Variants in GJB4 observed in about 807,000 individuals in gnomAD.
The protein encoded by GJB4 is gap junction protein beta 4, also known as gap junction beta-4 protein.
For missense variants in GJB4, 371 were observed against 363.8 expected (o/e 1.02, Z -0.16); for synonymous variants, 162 against 158.1 (o/e 1.02, Z -0.18).
In GJB4 at chr1:34,761,432, T is replaced by G. The variant is rs201860175; in HGVS notation, c.178T>G (p.Cys60Gly). 147 of 1,614,184 alleles carry G rather than the reference T, an allele frequency of 9.1e-5. No individual in the cohort carries two copies. The highest frequency in any genetic ancestry group is 6.9e-4 in the East Asian group (31 of 44,876). Residue 60 changes from cysteine to glycine, a missense_variant, in exon 2 of 2, where the codon TGC becomes GGC. Transcript: ENST00000339480. This position sits in a 1 kb window ranked among gnomAD's most constrained non-coding sequence, Gnocchi z 4.4. ...DFVCNTKQPG[C>G]PNVCYDEFFP... ...TGTCTGCAACACCAAGCAGCCCGGC[T>G]GCCCCAACGTCTGCTATGACGAGTT...
intron 1 of GJB4, among the ~76,000 whole-genome samples, 196 bp downstream of exon 1, chr1:34,759,984 G>T (rs953174029): frequency 6.6e-6 from 1 of 152,198 alleles, no homozygotes; most frequent in African/African-American, 2.4e-5. Flanking sequence ...GAAGATTGGG[G>T]AAGAGGGGGT....
Position 34,761,593 on chromosome 1 carries a change from C to T in GJB4, c.339C>T (p.Ala113=). 6 of 1,614,252 alleles carry T rather than the reference C, an allele frequency of 3.7e-6. No homozygotes were observed. The highest frequency in any genetic ancestry group is 5.1e-6 in the Non-Finnish European group (6 of 1,180,048). ...ACCACCTGAAACACGGGCCCAATGC[C>T]CCGTCCCTGTACGACAACCTGAGCA... The part of the protein sequence containing the change: ...RKHHLKHGPN[A]PSLYDNLSKK... Residue 113 remains alanine, a synonymous_variant, in exon 2 of 2, where the codon GCC becomes GCT. Coordinates refer to ENST00000339480, the MANE Select transcript of GJB4 (RefSeq NM_153212.3). The surrounding 1 kb of genome is among the most constrained non-coding windows in gnomAD (Gnocchi z 4.4).
Position 34,761,629 on chromosome 1 carries a change from C to T in GJB4, c.375C>T (p.Gly125=), listed in dbSNP as rs147830069. The T allele has an allele frequency of 2.8e-5, 45 of 1,614,090 alleles. No homozygotes were observed. Among genetic ancestry groups the T allele is most frequent in the Admixed American group, 1.3e-4 (8 of 60,008 alleles). The change falls in exon 2 of 2, where the codon GGC becomes GGT. Residue 125 remains glycine, a synonymous_variant. Transcript: ENST00000339480. This position sits in a 1 kb window ranked among gnomAD's most constrained non-coding sequence, Gnocchi z 4.4. ...SLYDNLSKKR[G]GLWWTYLLSL... ...ACGACAACCTGAGCAAGAAGCGGGG[C>T]GGACTGTGGTGGACGTACTTGCTGA...
At position 34,762,173 on chromosome 1, in the gene GJB4, G is replaced by A. The variant is rs2124221451; in HGVS notation, c.*118G>A. On this transcript the variant is annotated 3_prime_UTR_variant, in exon 2 of 2. Coordinates refer to ENST00000339480, the MANE Select transcript of GJB4 (RefSeq NM_153212.3). ...GGTGGTGAGGAGGGTGGCTGTGGGGGCTCAGGAAGCTCGCCCAGGGGCCAA... is the reference window on the plus strand; with the variant it reads ...GGTGGTGAGGAGGGTGGCTGTGGGGACTCAGGAAGCTCGCCCAGGGGCCAA... The A allele has an allele frequency of 9.7e-7, 1 of 1,031,926 alleles. No homozygotes were observed. Among genetic ancestry groups the A allele is most frequent in the East Asian group, 2.6e-5 (1 of 38,410 alleles). The allele number at this position is 1,031,926 out of a possible 1,614,324, so 63.9% of individuals were successfully genotyped here. A position where few individuals can be genotyped will look rare whatever the true frequency, so the allele number is the denominator to read the frequency against.
chr1:34,760,316 G>C (rs1639687884), intron 1 of GJB4, among the ~76,000 whole-genome samples: 1 of 152,130 alleles, frequency 6.6e-6, no homozygotes, highest in Non-Finnish European at 1.5e-5. Flanking sequence ...GTGGAGGTCA[G>C]AGTCCACAGG....
In GJB4 at chr1:34,762,308, T is replaced by C. The variant is rs1639740641; in HGVS notation, c.*253T>C. 2 of 573,568 alleles carry C rather than the reference T, an allele frequency of 3.5e-6. No individual in the cohort carries two copies. 35.5% of individuals were successfully genotyped at this position (573,568 alleles called of 1,614,324 possible). ...CAACAGTATATGTCAAACCTCTTAA[T>C]AAATATGATTTTCCCAGTACTTTGC... On this transcript the variant is annotated 3_prime_UTR_variant, in exon 2 of 2. Coordinates refer to ENST00000339480, the MANE Select transcript of GJB4 (RefSeq NM_153212.3).
In GJB4 at chr1:34,761,799, A is replaced by G; in HGVS notation, c.545A>G (p.Glu182Gly). 10 of 1,614,112 alleles carry G rather than the reference A, an allele frequency of 6.2e-6. No individual in the cohort carries two copies. The highest frequency in any genetic ancestry group is 8.5e-6 in the Non-Finnish European group (10 of 1,180,024). ...TVDCYISRPT[E>G]KKVFTYFMVT... The stretch of plus-strand genomic sequence containing the variant: ...GACTGTTACATCTCCCGGCCCACGG[A>G]GAAGAAGGTCTTCACCTACTTCATG... The change falls in exon 2 of 2, where the codon GAG (glutamate) becomes GGG (glycine). Residue 182 changes from glutamate to glycine, a missense_variant. Glu to Gly is a moderately conservative substitution (Grantham distance 98, BLOSUM62 -2). Coordinates refer to ENST00000339480, the MANE Select transcript of GJB4 (RefSeq NM_153212.3). This position sits in a 1 kb window ranked among gnomAD's most constrained non-coding sequence, Gnocchi z 4.4.
chr1:34,761,761 C>T lies in GJB4; in HGVS notation c.507C>T (p.Cys169=), dbSNP rs79193415. The T allele has an allele frequency of 6.8e-6, 11 of 1,613,968 alleles. No homozygotes were observed. The highest frequency in any genetic ancestry group is 2.2e-5 in the East Asian group (1 of 44,876). The change falls in exon 2 of 2, where the codon TGC becomes TGT. Residue 169 remains cysteine (C), a synonymous_variant. Coordinates refer to ENST00000339480, the MANE Select transcript of GJB4 (RefSeq NM_153212.3). This position sits in a 1 kb window ranked among gnomAD's most constrained non-coding sequence, Gnocchi z 4.4. ...TGGTGGCCTGCTCCGTGGAGCCTTGCCCCCACACTGTGGACTGTTACATCT... is the reference window on the plus strand; with the variant it reads ...TGGTGGCCTGCTCCGTGGAGCCTTGTCCCCACACTGTGGACTGTTACATCT... ...PRVVACSVEP[C]PHTVDCYISR... is the part of the protein sequence containing the mutation.
Position 34,761,638 on chromosome 1 carries a change from G to C in GJB4, c.384G>C (p.Trp128Cys). The change falls in exon 2 of 2, where the codon TGG becomes TGC. Residue 128 changes from tryptophan to cysteine, a missense_variant. Trp to Cys is a radical substitution (Grantham distance 215, BLOSUM62 -2). Coordinates refer to ENST00000339480, the MANE Select transcript of GJB4 (RefSeq NM_153212.3). The surrounding 1 kb of genome is among the most constrained non-coding windows in gnomAD (Gnocchi z 4.4). The stretch of plus-strand genomic sequence containing the variant: ...TGAGCAAGAAGCGGGGCGGACTGTG[G>C]TGGACGTACTTGCTGAGCCTCATCT... ...DNLSKKRGGLWWTYLLSLIFK... is the reference protein window; with the variant it reads ...DNLSKKRGGLCWTYLLSLIFK... 6.8e-6 allele frequency: 11 copies of C among 1,614,228 alleles called. No homozygotes were observed. The highest frequency in any genetic ancestry group is 9.3e-6 in the Non-Finnish European group (11 of 1,180,032).
chr1:34,761,847 T>A lies in GJB4; in HGVS notation c.593T>A (p.Ile198Asn), dbSNP rs1422686802. The A allele has an allele frequency of 1.2e-6, 2 of 1,614,208 alleles. No homozygotes were observed. The highest frequency in any genetic ancestry group is 2.2e-5 in the South Asian group (2 of 91,084). ...ATGGTGACCACAGCTGCCATCTGCA[T>A]CCTGCTCAACCTCAGTGAAGTCTTC... Reference protein sequence around the residue: ...YFMVTTAAICILLNLSEVFYL... With the variant: ...YFMVTTAAICNLLNLSEVFYL... Residue 198 changes from isoleucine (I) to asparagine (N), a missense_variant, in exon 2 of 2, where the codon ATC becomes AAC. By Grantham distance (149) the Ile-to-Asn change is moderately radical. Coordinates refer to ENST00000339480, the MANE Select transcript of GJB4 (RefSeq NM_153212.3). This position sits in a 1 kb window ranked among gnomAD's most constrained non-coding sequence, Gnocchi z 4.4.
rs1639722310 is a variant in GJB4 at position 34,761,746 on chromosome 1, C to T, written c.492C>T (p.Cys164=). 6.2e-7 allele frequency: 1 copy of T among 1,614,046 alleles called. No homozygotes were observed. The highest frequency in any genetic ancestry group is 1.3e-5 in the African/African-American group (1 of 74,948). ...ATGACATGCCCCGCGTGGTGGCCTG[C>T]TCCGTGGAGCCTTGCCCCCACACTG... ...KDYDMPRVVA[C]SVEPCPHTVD... is the part of the protein sequence containing the mutation. The change falls in exon 2 of 2, where the codon TGC becomes TGT. Residue 164 remains cysteine (C), a synonymous_variant. Coordinates refer to ENST00000339480, the MANE Select transcript of GJB4 (RefSeq NM_153212.3). The surrounding 1 kb of genome is among the most constrained non-coding windows in gnomAD (Gnocchi z 4.4).
chr1:34,761,437 C>G lies in GJB4; in HGVS notation c.183C>G (p.Pro61=). ...FVCNTKQPGC[P]NVCYDEFFPV... ...GCAACACCAAGCAGCCCGGCTGCCCCAACGTCTGCTATGACGAGTTCTTCC... is the reference window on the plus strand; with the variant it reads ...GCAACACCAAGCAGCCCGGCTGCCCGAACGTCTGCTATGACGAGTTCTTCC... Residue 61 remains proline, a synonymous_variant, in exon 2 of 2, where the codon CCC becomes CCG. Transcript: ENST00000339480. This position sits in a 1 kb window ranked among gnomAD's most constrained non-coding sequence, Gnocchi z 4.4. The G allele has an allele frequency of 6.2e-7, 1 of 1,614,148 alleles. No homozygotes were observed. The highest frequency in any genetic ancestry group is 8.5e-7 in the Non-Finnish European group (1 of 1,179,996).
chr1:34,761,140 G>A lies in GJB4; in HGVS notation c.-115G>A. The A allele has an allele frequency of 8.9e-6, 8 of 894,358 alleles. No homozygotes were observed. In the South Asian group the frequency reaches 9.8e-5, roughly 11 times the overall value. 55.4% of individuals were successfully genotyped at this position (894,358 alleles called of 1,614,324 possible). A position where few individuals can be genotyped will look rare whatever the true frequency, so the allele number is the denominator to read the frequency against. ...TGAAAAGATTTTGTCAATCGCACCA[G>A]CATTAAGGGTGCCCATCTCCAGGTT... is the stretch of plus-strand genomic sequence containing the variant. On this transcript the variant is annotated 5_prime_UTR_variant, in exon 2 of 2. Transcript: ENST00000339480. This position sits in a 1 kb window ranked among gnomAD's most constrained non-coding sequence, Gnocchi z 4.4.
rs754603988 is a variant in GJB4, at chr1:34,762,091, C to T, written c.*36C>T. On this transcript the variant is annotated 3_prime_UTR_variant, in exon 2 of 2. Transcript: ENST00000339480. ...CAGCAGATAAGATCAACAGGTCCCC[C>T]CCACATGAGGCCACCCAGGAAAAAA... 3.2e-6 allele frequency: 5 copies of T among 1,563,938 alleles called. No homozygotes were observed. Among genetic ancestry groups the T allele is most frequent in the South Asian group, 1.2e-5 (1 of 86,688 alleles).
Position 34,762,063 on chromosome 1 carries a change from G to T in GJB4, c.*8G>T, listed in dbSNP as rs777035236. 3.4e-5 allele frequency: 54 copies of T among 1,606,444 alleles called. No homozygotes were observed. The East Asian group carries it at 1.2e-3, about 35-fold the overall frequency. On this transcript the variant is annotated 3_prime_UTR_variant, in exon 2 of 2. Coordinates refer to ENST00000339480, the MANE Select transcript of GJB4 (RefSeq NM_153212.3). ...GCAGGTGGGTATCCATAACCTGCGA[G>T]ATCAGCAGATAAGATCAACAGGTCC...
chr1:34,759,932 C>T (rs1274226753), intron 1 of GJB4, 144 bp downstream of exon 1: 1 of 152,242 alleles, frequency 6.6e-6, no homozygotes, highest in Non-Finnish European at 1.5e-5. Context: ...AGGGAAGTGC[C>T]AAGGAGGAGA....
chr1:34,761,181 G>T lies in GJB4; in HGVS notation c.-74G>T. ...TCTCCAGGTTCCCCCAGGCCTCAAG[G>T]CTCCCAAGGCCTGAGTGGGCAGGTA... On this transcript the variant is annotated 5_prime_UTR_variant, in exon 2 of 2. Coordinates refer to ENST00000339480, the MANE Select transcript of GJB4 (RefSeq NM_153212.3). The surrounding 1 kb of genome is among the most constrained non-coding windows in gnomAD (Gnocchi z 4.4). 6.7e-7 allele frequency: 1 copy of T among 1,498,830 alleles called. No homozygotes were observed. Among genetic ancestry groups the T allele is most frequent in the Non-Finnish European group, 9.2e-7 (1 of 1,081,974 alleles). 92.8% of individuals were successfully genotyped at this position (1,498,830 alleles called of 1,614,324 possible).
chr1:34,762,077 A>T lies in GJB4; in HGVS notation c.*22A>T, dbSNP rs763471752. ...ATAACCTGCGAGATCAGCAGATAAG[A>T]TCAACAGGTCCCCCCCACATGAGGC... is the stretch of plus-strand genomic sequence containing the variant. On this transcript the variant is annotated 3_prime_UTR_variant, in exon 2 of 2. Transcript: ENST00000339480. The T allele has an allele frequency of 2.5e-6, 4 of 1,593,186 alleles. No individual in the cohort carries two copies. The Admixed American group carries it at 7.0e-5, about 28-fold the overall frequency.
chr1:34,761,555 C>T lies in GJB4; in HGVS notation c.301C>T (p.Arg101Cys), dbSNP rs141456083. 4.8e-5 allele frequency: 77 copies of T among 1,614,094 alleles called. No homozygotes were observed. The highest frequency in any genetic ancestry group is 1.0e-4 in the Admixed American group (6 of 60,012). Residue 101 changes from arginine to cysteine, a missense_variant, in exon 2 of 2, where the codon CGC becomes TGC. Coordinates refer to ENST00000339480, the MANE Select transcript of GJB4 (RefSeq NM_153212.3). This position sits in a 1 kb window ranked among gnomAD's most constrained non-coding sequence, Gnocchi z 4.4. Reference sequence around the variant, plus strand: ...CATGCACGTGGCCTACCGCGAGGAACGCGAGCGCAAGCACCACCTGAAACA... The same window carrying T: ...CATGCACGTGGCCTACCGCGAGGAATGCGAGCGCAAGCACCACCTGAAACA... ...VVMHVAYREE[R>C]ERKHHLKHGP...
Sources: gnomAD v4.1 joint callset for allele counts (sites outside exome capture counted in the v4.1 genomes callset) on GRCh38, gnomAD v4.1.1 for gene constraint, Gnocchi (gnomAD v3.1) non-coding constraint, MANE v1.5 for transcripts, NCBI Gene and HGNC (gene_info 2026-07-23, HGNC 2026-07-21) for gene names.